The following CAMK1D variants were observed in gnomAD, a reference collection of about 807,000 sequenced individuals.
CAMK1D encodes the protein calcium/calmodulin dependent protein kinase ID.
In CAMK1D, 9 loss-of-function variants were observed where a neutral mutation model predicts 47.7. The ratio of observed to expected loss-of-function variants is 0.19; its 90% CI spans 0.11 to 0.33. The LOEUF is 0.33. Among genes scored for constraint, CAMK1D ranks in the 10% least tolerant of loss-of-function variants. The probability of loss-of-function intolerance (pLI) is 1.00; values close to 1 mark genes in which losing one functional copy is unlikely to be tolerated. For synonymous variants in CAMK1D, 184 were observed against 184.9 expected, an observed-to-expected ratio of 0.99 and a Z score of 0.04; for missense variants, 291 against 488.7, an observed-to-expected ratio of 0.60 and a Z score of 3.81.
At chr10:12,442,935 C>T (rs548469352) in intron 1 of CAMK1D, among the ~76,000 whole-genome samples, 20 of 152,266 alleles carry the variant, frequency 1.3e-4, no homozygotes, top group African/African-American at 4.6e-4. Context: ...TCTGGAATTT[C>T]TTTGCTTTCT....
At chr10:12,746,836 G>A (rs1835704861) in intron 3 of CAMK1D, among the ~76,000 whole-genome samples, 1 of 152,122 alleles carries the variant, frequency 6.6e-6, no homozygotes, top group Non-Finnish European at 1.5e-5. Flanking sequence ...AAAGGCGTCT[G>A]AGGTTCCTAC....
At chr10:12,437,770 A>C (rs913766777) in intron 1 of CAMK1D, among the ~76,000 whole-genome samples, 1 of 152,208 alleles carries the variant, frequency 6.6e-6, no homozygotes, top group Admixed American at 6.5e-5. Flanking sequence ...TGATCGTATC[A>C]TACAGAGTAG....
chr10:12,592,148 G>C (rs1014959847), intron 2 of CAMK1D, among the ~76,000 whole-genome samples: 2 of 152,196 alleles, frequency 1.3e-5, no homozygotes, highest in Non-Finnish European at 2.9e-5. Flanking sequence ...AGGAGAGAAG[G>C]TTGGGCCGGC....
intron 8 of CAMK1D, among the ~76,000 whole-genome samples, chr10:12,818,121 A>G (rs1471036545): frequency 6.6e-6 from 1 of 152,210 alleles, no homozygotes; most frequent in Non-Finnish European, 1.5e-5. Context: ...AAATTACTCC[A>G]GAAAACCATC....
chr10:12,770,939 G>T (rs1837011250), intron 5 of CAMK1D, among the ~76,000 whole-genome samples: 1 of 151,860 alleles, frequency 6.6e-6, no homozygotes, highest in African/African-American at 2.4e-5. Context: ...GGGGGTGGGG[G>T]GTGTGGTAGG....
intron 4 of CAMK1D, among the ~76,000 whole-genome samples, chr10:12,767,655 A>C (rs186253161): frequency 6.6e-6 from 1 of 152,200 alleles, no homozygotes; most frequent in African/African-American, 2.4e-5. Flanking sequence ...GCTAGGTATG[A>C]AAAGGCGGCA....
At chr10:12,755,252 G>A (rs2130888112) in intron 3 of CAMK1D, among the ~76,000 whole-genome samples, 1 of 152,304 alleles carries the variant, frequency 6.6e-6, no homozygotes, top group East Asian at 1.9e-4. Flanking sequence ...CAGGGAGTGT[G>A]TGTAGGTGGG....
At chr10:12,787,446 G>A (rs565757673) in intron 5 of CAMK1D, among the ~76,000 whole-genome samples, 3 of 152,284 alleles carry the variant, frequency 2.0e-5, no homozygotes, top group East Asian at 3.9e-4. Flanking sequence ...CACCATCCAC[G>A]ATGCTGGAGA....
chr10:12,694,190 A>T (rs866902729), intron 3 of CAMK1D, among the ~76,000 whole-genome samples: 1 of 14,398 alleles, frequency 6.9e-5, no homozygotes, highest in African/African-American at 2.1e-4. Context: ...ATATAATATA[A>T]TATATATTAT....
intron 2 of CAMK1D, chr10:12,578,784 C>T (rs1837573527): frequency 6.5e-6 from 1 of 154,146 alleles, no homozygotes; most frequent in Admixed American, 6.6e-5. Context: ...CAGGGCCACC[C>T]AGGGAGTAAG....
intron 3 of CAMK1D, among the ~76,000 whole-genome samples, chr10:12,742,427 G>A (rs1288967748): frequency 6.6e-6 from 1 of 152,160 alleles, no homozygotes; most frequent in African/African-American, 2.4e-5. Flanking sequence ...GAGCCACCAC[G>A]CACAGCAGAA....
chr10:12,397,611 C>A (rs1839008119), intron 1 of CAMK1D, among the ~76,000 whole-genome samples: 1 of 152,148 alleles, frequency 6.6e-6, no homozygotes, highest in African/African-American at 2.4e-5. Context: ...ATCCCTGTGA[C>A]CCTGGGGCCT....
intron 1 of CAMK1D, among the ~76,000 whole-genome samples, chr10:12,487,791 T>C (rs1342843918): frequency 6.6e-6 from 1 of 152,228 alleles, no homozygotes; most frequent in Non-Finnish European, 1.5e-5. Context: ...CTGTAGACCC[T>C]GAGGAGTATT....
intron 2 of CAMK1D, among the ~76,000 whole-genome samples, chr10:12,606,794 G>C (rs747792407): frequency 9.9e-5 from 15 of 151,898 alleles, no homozygotes; most frequent in South Asian, 4.2e-4. Flanking sequence ...GGCTTGTCTT[G>C]CCTGTGTTCT....
chr10:12,397,270 T>G (rs111535844), intron 1 of CAMK1D, among the ~76,000 whole-genome samples: 1 of 152,144 alleles, frequency 6.6e-6, no homozygotes, highest in Non-Finnish European at 1.5e-5. Flanking sequence ...CTCCTGCAGG[T>G]GTTCTGTTCT....
intron 1 of CAMK1D, among the ~76,000 whole-genome samples, chr10:12,438,023 T>C (rs146520976): frequency 2.6e-5 from 4 of 152,300 alleles, no homozygotes; most frequent in Admixed American, 2.0e-4. Context: ...AAAGCAGATG[T>C]TCAGCAAAAA....
intron 2 of CAMK1D, among the ~76,000 whole-genome samples, chr10:12,648,483 T>C (rs772093508): frequency 4.6e-5 from 7 of 152,176 alleles, no homozygotes; most frequent in Non-Finnish European, 8.8e-5. Context: ...ACTTACTTAC[T>C]TTTTTGAGAT....
chr10:12,547,682 T>TCTCTCTCTCACACACA (rs10643491), intron 1 of CAMK1D, among the ~76,000 whole-genome samples: 110 of 116,572 alleles, frequency 9.4e-4, no homozygotes, highest in African/African-American at 3.7e-3. Context: ...TTTCTCTCTC[T>TCTCTCTCTCACACACA]CACACACACA....
chr10:12,741,176 G>T (rs1835409415), intron 3 of CAMK1D, among the ~76,000 whole-genome samples: 1 of 152,220 alleles, frequency 6.6e-6, no homozygotes, highest in Admixed American at 6.5e-5. Flanking sequence ...GAAACGCATG[G>T]ATTCTAAATT....
Sources: gnomAD v4.1 joint callset for allele counts (sites outside exome capture counted in the v4.1 genomes callset) on GRCh38, gnomAD v4.1.1 for gene constraint, MANE v1.5 for transcripts, NCBI Gene and HGNC (gene_info 2026-07-23, HGNC 2026-07-21) for gene names.